Variants in CEP85 observed in about 807,000 individuals in gnomAD.
CEP85 encodes the protein centrosomal protein of 85 kDa.
Under a neutral mutation model 93.7 loss-of-function variants are expected in CEP85, and 58 were observed. The ratio of observed to expected loss-of-function variants is 0.62; its 90% CI spans 0.50 to 0.77. The LOEUF is 0.77. Among genes scored for constraint, CEP85 ranks in the 30% least tolerant of loss-of-function variants. The probability of loss-of-function intolerance (pLI) is 0.00; values close to 1 mark genes in which losing one functional copy is unlikely to be tolerated. For missense variants in CEP85, 868 were observed against 922.0 expected (o/e 0.94, Z 0.76); for synonymous variants, 314 against 338.6 (o/e 0.93, Z 0.80).
Position 26,244,221 on chromosome 1 carries a change from T to G in CEP85, c.111T>G (p.Val37=), listed in dbSNP as rs569275098. The G allele has an allele frequency of 5.0e-6, 8 of 1,613,702 alleles. No homozygotes were observed. Among genetic ancestry groups the G allele is most frequent in the Non-Finnish European group, 6.8e-6 (8 of 1,179,982 alleles). Residue 37 remains valine, a synonymous_variant, in exon 3 of 14, where the codon GTT becomes GTG. Coordinates refer to ENST00000451429, the MANE Select transcript of CEP85 (RefSeq NM_001319944.2). The stretch of plus-strand genomic sequence containing the variant: ...TGGGGACTGAATGGCAGACCCCAGT[T>G]ATCTCGGAGCCCTTTCGGAGCCGCT... ...SSLGTEWQTP[V]ISEPFRSRFS... is the part of the protein sequence containing the mutation.
Position 26,277,545 on chromosome 1 carries a change from A to G in CEP85, c.*252A>G. The G allele has an allele frequency of 2.6e-6, 1 of 388,096 alleles. No individual in the cohort carries two copies. Among genetic ancestry groups the G allele is most frequent in the Non-Finnish European group, 4.9e-6 (1 of 206,016 alleles). The allele number at this position is 388,096 out of a possible 1,614,324, so 24.0% of individuals were successfully genotyped here. A position where few individuals can be genotyped will look rare whatever the true frequency, so the allele number is the denominator to read the frequency against. On this transcript the variant is annotated 3_prime_UTR_variant, in exon 14 of 14. Transcript: ENST00000451429. ...TAACTTTTGGCAGGTACAACAGATAAGTCCTCACAAACTGTTCCCAGCCCT... is the reference window on the plus strand; with the variant it reads ...TAACTTTTGGCAGGTACAACAGATAGGTCCTCACAAACTGTTCCCAGCCCT...
chr1:26,273,123 G>C (rs562830817), intron 11 of CEP85, among the ~76,000 whole-genome samples: 11 of 152,128 alleles, frequency 7.2e-5, no homozygotes, highest in Non-Finnish European at 1.5e-4. Context: ...GTGACTTTAG[G>C]AGGTAACATC....
intron 2 of CEP85, among the ~76,000 whole-genome samples, chr1:26,243,153 A>C (rs1569965280): frequency 8.2e-6 from 1 of 122,456 alleles, no homozygotes; most frequent in Non-Finnish European, 1.7e-5. Context: ...TTTTTCTGAG[A>C]TGGGGTTTCG....
chr1:26,245,144 C>T (rs2089489559), intron 3 of CEP85, among the ~76,000 whole-genome samples: 1 of 151,230 alleles, frequency 6.6e-6, no homozygotes, highest in African/African-American at 2.4e-5. Context: ...TCCTAGGCTC[C>T]TGAGTAGCAG....
At chr1:26,241,534 G>C (rs1336167641) in intron 2 of CEP85, among the ~76,000 whole-genome samples, 1 of 152,048 alleles carries the variant, frequency 6.6e-6, no homozygotes, top group Non-Finnish European at 1.5e-5. Flanking sequence ...GTGAGCCACT[G>C]CACCCGGCCT....
intron 3 of CEP85, among the ~76,000 whole-genome samples, chr1:26,253,681 C>T (rs986552105): frequency 7.9e-5 from 12 of 151,772 alleles, no homozygotes; most frequent in South Asian, 2.1e-4. Flanking sequence ...TGAGCCACTG[C>T]GCCCGGCCTC....
intron 8 of CEP85, 197 bp from the exon 9 acceptor site, chr1:26,269,263 T>C (rs2089936743): frequency 1.7e-6 from 1 of 579,424 alleles, no homozygotes; most frequent in Non-Finnish European, 3.1e-6. Context: ...TAAGAACTCC[T>C]TCCCCTCCCC....
At chr1:26,269,282 T>C (rs1468502751) in intron 8 of CEP85, 178 bp from the exon 9 acceptor site, 2 of 609,120 alleles carry the variant, frequency 3.3e-6, no homozygotes, top group Non-Finnish European at 5.8e-6. Flanking sequence ...CCTGTCCAGT[T>C]GTGTTCTCAC....
chr1:26,269,747 C>CTGTGAATAATAGGAAAGCTGCTTATGG, intron 9 of CEP85, 133 bp downstream of exon 9: 1 of 536,920 alleles, frequency 1.9e-6, no homozygotes, highest in Admixed American at 3.2e-5. Flanking sequence ...TTTCTTTGGA[C>CTGTGAATAATAGGAAAGCTGCTTATGG]TGTGAATAAT....
At chr1:26,243,938 A>G (rs2089467059) in intron 2 of CEP85, among the ~76,000 whole-genome samples, 1 of 141,568 alleles carries the variant, frequency 7.1e-6, no homozygotes, top group African/African-American at 2.7e-5. Flanking sequence ...TGGAGGCTGC[A>G]GTGAGCTGCG....
intron 2 of CEP85, 44 bp from the exon 3 acceptor site, chr1:26,244,122 A>G (rs1183041510): frequency 1.3e-6 from 2 of 1,594,442 alleles, no homozygotes; most frequent in Non-Finnish European, 1.7e-6. Context: ...ATGGGGTTAC[A>G]TCAGCTGGTT....
At chr1:26,236,643 A>G (rs531602337) in intron 1 of CEP85, among the ~76,000 whole-genome samples, 5 of 152,260 alleles carry the variant, frequency 3.3e-5, no homozygotes, top group South Asian at 4.1e-4. Context: ...TTTGTTGTCA[A>G]TGAGGGTCAG....
intron 5 of CEP85, 142 bp from the exon 6 acceptor site, chr1:26,258,000 TC>T: frequency 1.4e-6 from 1 of 731,440 alleles, no homozygotes; most frequent in Non-Finnish European, 2.4e-6. Context: ...CAGTTATCTT[TC>T]TCATTTGTTC....
In CEP85 at chr1:26,277,288, C is replaced by T; in HGVS notation, c.2281C>T (p.Gln761Ter). ...AQDMGENCVT[Q>*] ...GGACATGGGAGAAAACTGTGTCACACAGTGAGGAATTCTGGGGGATTCCCC... is the reference window on the plus strand; with the variant it reads ...GGACATGGGAGAAAACTGTGTCACATAGTGAGGAATTCTGGGGGATTCCCC... Residue 761 changes from glutamine (Q) to a stop codon, truncating the protein, a stop_gained, in exon 14 of 14, where the codon CAG (glutamine) becomes TAG (stop). Transcript: ENST00000451429. LOFTEE classifies it high-confidence loss of function. 1 of 1,610,606 alleles carries T rather than the reference C, an allele frequency of 6.2e-7. No homozygotes were observed. The highest frequency in any genetic ancestry group is 8.5e-7 in the Non-Finnish European group (1 of 1,176,954).
chr1:26,266,483 G>T (rs557591853), intron 7 of CEP85, among the ~76,000 whole-genome samples: 1 of 152,298 alleles, frequency 6.6e-6, no homozygotes, highest in African/African-American at 2.4e-5. Context: ...GATGTTTTTG[G>T]AAGGGAGAAG....
rs35831900 is a variant in CEP85 at position 26,244,253 on chromosome 1, G to A, written c.143G>A (p.Arg48His). Residue 48 changes from arginine to histidine, a missense_variant, in exon 3 of 14, where the codon CGC becomes CAC. Physicochemically the swap from Arg to His is conservative, Grantham distance 29. Transcript: ENST00000451429. The stretch of plus-strand genomic sequence containing the variant: ...GAGCCCTTTCGGAGCCGCTTCAGCC[G>A]CTGTTCAAGTGTAGCCGACAGTGGG... ...ISEPFRSRFS[R>H]CSSVADSGDT... The A allele has an allele frequency of 2.6e-3, 4,245 of 1,613,922 alleles. 109 individuals carry two copies. In the African/African-American group the frequency reaches 0.049, roughly 19 times the overall value.
intron 7 of CEP85, among the ~76,000 whole-genome samples, chr1:26,262,504 A>C (rs2089826658): frequency 6.7e-6 from 1 of 148,732 alleles, no homozygotes; most frequent in African/African-American, 2.5e-5. Context: ...ACAAAACAAA[A>C]AAAGGCGGGG....
intron 12 of CEP85, among the ~76,000 whole-genome samples, chr1:26,275,494 T>G (rs1315450594): frequency 6.6e-6 from 1 of 152,146 alleles, no homozygotes; most frequent in Non-Finnish European, 1.5e-5. Flanking sequence ...TTGGCCAGAA[T>G]GGTCTTCATC....
chr1:26,234,612 GC>G (rs1375713146), intron 1 of CEP85, among the ~76,000 whole-genome samples: 2 of 152,242 alleles, frequency 1.3e-5, no homozygotes, highest in African/African-American at 2.4e-5. Flanking sequence ...CCTTGCCCTT[GC>G]GGAGCGCACA....
Sources: allele counts gnomAD v4.1 joint callset (sites outside exome capture counted in the v4.1 genomes callset), GRCh38; gene constraint gnomAD v4.1.1; transcripts MANE v1.5; gene names NCBI Gene and HGNC (gene_info 2026-07-23, HGNC 2026-07-21).